The following TAS2R1 variants were observed in gnomAD, a reference collection of about 807,000 sequenced individuals.
TAS2R1 encodes the protein taste receptor type 2 member 1.
For synonymous variants in TAS2R1, 141 were observed against 134.2 expected, an observed-to-expected ratio of 1.05 and a Z score of -0.35; for missense variants, 370 against 353.4, an observed-to-expected ratio of 1.05 and a Z score of -0.38.
the TAS2R1 span, among the ~76,000 whole-genome samples, chr5:9,799,662 C>A: frequency 6.6e-6 from 1 of 152,138 alleles, no homozygotes; most frequent in African/African-American, 2.4e-5. Flanking sequence ...GCATAATTCT[C>A]CCAATTAAGC....
At chr5:9,694,283 T>C (rs751868113) in intron 1 of TAS2R1, among the ~76,000 whole-genome samples, 4 of 151,684 alleles carry the variant, frequency 2.6e-5, no homozygotes, top group Admixed American at 6.6e-5. Flanking sequence ...TGCATGAAAA[T>C]GTGGAGGAAG....
the TAS2R1 span, among the ~76,000 whole-genome samples, chr5:9,733,214 T>C: frequency 6.6e-6 from 1 of 152,240 alleles, no homozygotes; most frequent in Non-Finnish European, 1.5e-5. Flanking sequence ...CTATGGTCCA[T>C]GGGCCAAATT....
In TAS2R1 at chr5:9,699,341, G is replaced by A. The variant is rs145754147; in HGVS notation, c.-242+12831C>T. Among the ~76,000 whole-genome samples, 391 of 152,282 alleles carry A rather than the reference G, an allele frequency of 2.6e-3. 1 individual carries two copies. The highest frequency in any genetic ancestry group is 4.2e-3 in the East Asian group (22 of 5,180). On this transcript the variant is annotated intron_variant, in intron 1 of 2. Transcript: ENST00000506620. ...TTCGCGAATTGAATCAGTTCCCTTC[G>A]ACGCTTTCATGCTCCCATTAATATG...
chr5:9,840,061 C>T, the TAS2R1 span, among the ~76,000 whole-genome samples: 678 of 152,208 alleles, frequency 4.5e-3, 4 homozygotes, highest in African/African-American at 0.015. Context: ...AAAGAGTCAA[C>T]GTTTTGGACT....
intron 1 of TAS2R1, among the ~76,000 whole-genome samples, chr5:9,684,914 G>A (rs925127902): frequency 6.6e-6 from 1 of 152,156 alleles, no homozygotes. Flanking sequence ...CAAAGTTCAG[G>A]TTTGGACTGA....
the TAS2R1 span, among the ~76,000 whole-genome samples, chr5:9,795,902 A>G: frequency 6.6e-6 from 1 of 152,156 alleles, no homozygotes; most frequent in Non-Finnish European, 1.5e-5. Flanking sequence ...CTTCCATCCT[A>G]TTCTCTAAGG....
chr5:9,822,345 ATTTT>A, the TAS2R1 span, among the ~76,000 whole-genome samples: 198 of 109,754 alleles, frequency 1.8e-3, no homozygotes, highest in Middle Eastern at 0.01. Context: ...TGCATGTGTA[ATTTT>A]TTTTTTTTTT....
chr5:9,812,670 C>T, the TAS2R1 span, among the ~76,000 whole-genome samples: 1 of 152,224 alleles, frequency 6.6e-6, no homozygotes, highest in East Asian at 1.9e-4. Context: ...TACTCCTCTG[C>T]CTTGTCTAGA....
the TAS2R1 span, among the ~76,000 whole-genome samples, chr5:9,721,963 C>A: frequency 2.6e-5 from 4 of 152,218 alleles, no homozygotes; most frequent in Non-Finnish European, 5.9e-5. Context: ...CCAAGAAACC[C>A]TACCTCCTTA....
the TAS2R1 span, among the ~76,000 whole-genome samples, chr5:9,774,196 T>TCTA: frequency 1.3e-5 from 2 of 152,198 alleles, no homozygotes; most frequent in African/African-American, 4.8e-5. Flanking sequence ...TTTGATCAAG[T>TCTA]CTACTGTTAA....
the TAS2R1 span, among the ~76,000 whole-genome samples, chr5:9,864,354 G>A: frequency 3.9e-5 from 6 of 152,196 alleles, no homozygotes; most frequent in Non-Finnish European, 8.8e-5. Context: ...CTGGCCGGGT[G>A]CAGTGGCTCA....
At chr5:9,870,422 T>C in the TAS2R1 span, among the ~76,000 whole-genome samples, 10 of 152,192 alleles carry the variant, frequency 6.6e-5, no homozygotes, top group Non-Finnish European at 1.2e-4. Flanking sequence ...ACTTTTCTTC[T>C]ACCCTCCCAT....
chr5:9,732,373 G>T, the TAS2R1 span, among the ~76,000 whole-genome samples: 1 of 152,172 alleles, frequency 6.6e-6, no homozygotes, highest in Admixed American at 6.5e-5. Flanking sequence ...CTGAGTGAAT[G>T]GGGGAGTCAT....
chr5:9,768,688 G>C, the TAS2R1 span, among the ~76,000 whole-genome samples: 8 of 152,122 alleles, frequency 5.3e-5, no homozygotes, highest in Non-Finnish European at 1.2e-4. Context: ...TGTCATAATT[G>C]CTTGGCAAAT....
the TAS2R1 span, among the ~76,000 whole-genome samples, chr5:9,892,170 C>G: frequency 6.6e-6 from 1 of 152,184 alleles, no homozygotes; most frequent in African/African-American, 2.4e-5. Flanking sequence ...TTTTTATCCT[C>G]TTCCTAATGT....
the TAS2R1 span, among the ~76,000 whole-genome samples, chr5:9,877,836 C>CT: frequency 2.6e-5 from 4 of 152,124 alleles, no homozygotes; most frequent in Admixed American, 6.5e-5. Flanking sequence ...TCTTCCTCTT[C>CT]TTTTTTTTGA....
the TAS2R1 span, among the ~76,000 whole-genome samples, chr5:9,901,391 G>A: frequency 2.0e-5 from 3 of 152,052 alleles, no homozygotes; most frequent in Non-Finnish European, 2.9e-5. Flanking sequence ...AGAAAAGAGG[G>A]CATGGCCAAA....
At chr5:9,733,831 A>G in the TAS2R1 span, among the ~76,000 whole-genome samples, 1 of 152,134 alleles carries the variant, frequency 6.6e-6, no homozygotes, top group African/African-American at 2.4e-5. Flanking sequence ...ACCTCCGAAA[A>G]GAAAAAAAAA....
the TAS2R1 span, among the ~76,000 whole-genome samples, chr5:9,805,071 G>A: frequency 3.6e-4 from 54 of 151,934 alleles, no homozygotes; most frequent in African/African-American, 1.2e-3. Context: ...TATTAGAACC[G>A]ATACCACAGA....
Sources: gnomAD v4.1 joint callset for allele counts (sites outside exome capture counted in the v4.1 genomes callset) on GRCh38, gnomAD v4.1.1 for gene constraint, MANE v1.5 for transcripts, NCBI Gene and HGNC (gene_info 2026-07-23, HGNC 2026-07-21) for gene names.